The following NCAM2 variants were observed in gnomAD, a reference collection of about 807,000 sequenced individuals.
NCAM2 encodes the protein neural cell adhesion molecule 2.
A neutral mutation model predicts 98.1 loss-of-function variants in NCAM2; 30 were observed. The ratio of observed to expected loss-of-function variants is 0.31; its 90% confidence interval spans 0.23 to 0.41. NCAM2 has a LOEUF of 0.41. Among genes scored for constraint, NCAM2 ranks in the 10% least tolerant of loss-of-function variants. The pLI, the probability that NCAM2 is intolerant of heterozygous loss-of-function variation, is 1.00. For missense variants in NCAM2, 867 were observed against 1,005.8 expected, an observed-to-expected ratio of 0.86 and a Z score of 1.87; for synonymous variants, 368 against 342.4, an observed-to-expected ratio of 1.07 and a Z score of -0.83.
intron 1 of NCAM2, among the ~76,000 whole-genome samples, chr21:21,042,285 C>T (rs1253029671): frequency 6.6e-6 from 1 of 152,020 alleles, no homozygotes; most frequent in South Asian, 2.1e-4. Flanking sequence ...CCCAGGTTCA[C>T]ACGATTCTCC....
chr21:21,290,278 T>C (rs895546121), intron 4 of NCAM2: 7 of 151,978 alleles, frequency 4.6e-5, no homozygotes, highest in Non-Finnish European at 1.0e-4. Flanking sequence ...AATACAATGA[T>C]CTAAGTATGA....
At chr21:21,139,699 TGCA>T (rs2146649021) in intron 1 of NCAM2, among the ~76,000 whole-genome samples, 1 of 152,264 alleles carries the variant, frequency 6.6e-6, no homozygotes, top group African/African-American at 2.4e-5. Context: ...AAAATATGTG[TGCA>T]GAAGTATATA....
chr21:21,473,373 A>AATAT (rs57318222), intron 14 of NCAM2, among the ~76,000 whole-genome samples: 6,140 of 140,414 alleles, frequency 0.044, 187 homozygotes, highest in African/African-American at 0.082. Context: ...TATATGTATA[A>AATAT]ATATATATAT....
chr21:21,454,733 G>A lies in NCAM2; in HGVS notation c.1655-11873G>A, dbSNP rs116172350. Among the ~76,000 whole-genome samples, 562 of 151,990 alleles carry A rather than the reference G, an allele frequency of 3.7e-3. 5 individuals are homozygous for A. The highest frequency in any genetic ancestry group is 0.012 in the African/African-American group (505 of 41,498). On this transcript the variant is annotated intron_variant, in intron 12 of 17. Coordinates refer to ENST00000400546, the MANE Select transcript of NCAM2 (RefSeq NM_004540.5). ...GAATGTTTGGTATACAAATAGGTCT[G>A]GCTAAATATAAGTGTTAGCTTTCTC...
chr21:21,221,461 T>TA (rs71195312), intron 1 of NCAM2, among the ~76,000 whole-genome samples: 152,308 of 152,308 alleles, frequency 1, 76,154 homozygotes, highest in Non-Finnish European at 1. Flanking sequence ...AAAGGAGAGT[T>TA]TTGGAGGAAA....
chr21:21,003,580 C>G (rs1458889512), intron 1 of NCAM2, among the ~76,000 whole-genome samples: 1 of 152,078 alleles, frequency 6.6e-6, no homozygotes, highest in Non-Finnish European at 1.5e-5. Flanking sequence ...AGGCACCTTA[C>G]CAAATGTCAA....
chr21:21,043,418 G>A (rs1194751387), intron 1 of NCAM2, among the ~76,000 whole-genome samples: 4 of 151,932 alleles, frequency 2.6e-5, no homozygotes, highest in Non-Finnish European at 5.9e-5. Context: ...TTGGATAGCC[G>A]CACATATGGC....
chr21:21,399,349 G>A (rs1326679216), intron 9 of NCAM2, among the ~76,000 whole-genome samples: 2 of 152,234 alleles, frequency 1.3e-5, no homozygotes, highest in East Asian at 1.9e-4. Context: ...ACTATTACAT[G>A]TGAAAATAAC....
intron 1 of NCAM2, among the ~76,000 whole-genome samples, chr21:21,206,692 G>A (rs1016314734): frequency 6.6e-6 from 1 of 151,982 alleles, no homozygotes; most frequent in Non-Finnish European, 1.5e-5. Flanking sequence ...TTTCAATTTT[G>A]TCACAATTAG....
chr21:21,269,062 T>G (rs2072399278), intron 1 of NCAM2, among the ~76,000 whole-genome samples: 1 of 152,116 alleles, frequency 6.6e-6, no homozygotes, highest in African/African-American at 2.4e-5. Context: ...TTGAAAAAAC[T>G]TAAACAAAAG....
At chr21:21,241,172 A>T (rs2098650253) in intron 1 of NCAM2, among the ~76,000 whole-genome samples, 2 of 152,132 alleles carry the variant, frequency 1.3e-5, no homozygotes, top group Admixed American at 6.6e-5. Context: ...TTAAAAACAA[A>T]AAGTTTTTGG....
At chr21:21,526,056 A>G (rs1264775371) in intron 16 of NCAM2, among the ~76,000 whole-genome samples, 1 of 152,104 alleles carries the variant, frequency 6.6e-6, no homozygotes, top group African/African-American at 2.4e-5. Context: ...CATCTTAGTG[A>G]GTAACTAGAA....
At chr21:21,463,796 C>G (rs959350437) in intron 12 of NCAM2, 1 of 152,014 alleles carries the variant, frequency 6.6e-6, no homozygotes, top group Non-Finnish European at 1.5e-5. Context: ...GCTGACAATA[C>G]AAGCCAGAAA....
intron 1 of NCAM2, among the ~76,000 whole-genome samples, chr21:21,259,237 G>C (rs941518197): frequency 1.3e-5 from 2 of 152,136 alleles, no homozygotes; most frequent in Admixed American, 1.3e-4. Flanking sequence ...CCATAGAGTT[G>C]TCTGCTCTGG....
intron 1 of NCAM2, among the ~76,000 whole-genome samples, chr21:21,160,743 A>G (rs1171551200): frequency 6.6e-6 from 1 of 152,028 alleles, no homozygotes; most frequent in Non-Finnish European, 1.5e-5. Flanking sequence ...TAAAATGTGA[A>G]GATACAGTAA....
intron 1 of NCAM2, among the ~76,000 whole-genome samples, chr21:21,185,231 C>T (rs1214996946): frequency 6.6e-6 from 1 of 152,000 alleles, no homozygotes; most frequent in Admixed American, 6.6e-5. Context: ...AATAAGAATG[C>T]CTGTCTAAAA....
chr21:21,175,394 A>T (rs988202731), intron 1 of NCAM2, among the ~76,000 whole-genome samples: 1 of 152,056 alleles, frequency 6.6e-6, no homozygotes, highest in Non-Finnish European at 1.5e-5. Flanking sequence ...TTATCTGGGC[A>T]TGGTGGCATG....
At chr21:21,056,541 AG>A (rs1227572502) in intron 1 of NCAM2, among the ~76,000 whole-genome samples, 7 of 136,500 alleles carry the variant, frequency 5.1e-5, no homozygotes, top group African/African-American at 1.9e-4. Context: ...AGAGGGGGAG[AG>A]AGAGGAGAGA....
intron 16 of NCAM2, among the ~76,000 whole-genome samples, chr21:21,514,870 C>T (rs531430336): frequency 2.6e-5 from 4 of 152,242 alleles, no homozygotes; most frequent in Non-Finnish European, 5.9e-5. Flanking sequence ...TATCCTTTCA[C>T]CAATGCCAGA....
Sources: gnomAD v4.1 joint callset for allele counts (sites outside exome capture counted in the v4.1 genomes callset) on GRCh38, gnomAD v4.1.1 for gene constraint, MANE v1.5 for transcripts, NCBI Gene and HGNC (gene_info 2026-07-23, HGNC 2026-07-21) for gene names.